SLC34A3: variants seen among roughly 807,000 people sequenced by gnomAD.
The protein encoded by SLC34A3 is sodium-dependent phosphate transport protein 2C.
SLC34A3 carries 60 observed loss-of-function variants against 43.9 expected under a neutral mutation model. That is an observed-to-expected ratio of 1.37 (90% CI 1.11 to 1.70). The LOEUF (loss-of-function observed/expected upper bound fraction) is 1.70. Ranked by LOEUF, SLC34A3 falls within the 40% of genes most tolerant of loss-of-function variation. SLC34A3 has a pLI of 0.00. For missense variants in SLC34A3, 969 were observed against 823.8 expected (o/e 1.18, Z -2.16); for synonymous variants, 451 against 386.2 (o/e 1.17, Z -1.97).
intron 8 of SLC34A3, 60 bp downstream of exon 8, chr9:137,233,782 C>A: frequency 5.6e-6 from 4 of 719,342 alleles, no homozygotes; most frequent in South Asian, 1.4e-5. Flanking sequence ...TGAGTCATCC[C>A]GCCCCACCCA....
In SLC34A3 at chr9:137,234,239, C is replaced by A. The variant is rs767044684; in HGVS notation, c.1056C>A (p.Gly352=). ...AGCTGCTCAACTCTGTGCTGCGCGG[C>A]CGCGTGGCCCAGGTCGTGAGGACAG... ...IVKLLNSVLR[G]RVAQVVRTVI... The change falls in exon 10 of 13, where the codon GGC becomes GGA. Residue 352 remains glycine (G), a synonymous_variant. Coordinates refer to ENST00000673835, the MANE Select transcript of SLC34A3 (RefSeq NM_001177316.2). This position sits in a 1 kb window ranked among gnomAD's most constrained non-coding sequence, Gnocchi z 6.9. 79 of 1,610,306 alleles carry A rather than the reference C, an allele frequency of 4.9e-5. No individual in the cohort carries two copies. Among genetic ancestry groups the A allele is most frequent in the Non-Finnish European group, 6.6e-5 (78 of 1,179,300 alleles).
chr9:137,232,633 G>C lies in SLC34A3; in HGVS notation c.234G>C (p.Gly78=), dbSNP rs780602942. 6.2e-7 allele frequency: 1 copy of C among 1,612,678 alleles called. No homozygotes were observed. The highest frequency in any genetic ancestry group is 8.5e-7 in the Non-Finnish European group (1 of 1,179,882). The change falls in exon 4 of 13, where the codon GGG becomes GGC. Residue 78 remains glycine (G), a synonymous_variant. Coordinates refer to ENST00000673835, the MANE Select transcript of SLC34A3 (RefSeq NM_001177316.2). ...RVAGSVLKAC[G]LLGSLYFFIC... is the part of the protein sequence containing the mutation. The stretch of plus-strand genomic sequence containing the variant: ...CCGGCAGCGTCCTCAAGGCCTGCGG[G>C]CTCCTCGGCAGCCTGTACTTCTTCA...
Position 137,233,054 on chromosome 9 carries a change from A to T in SLC34A3, c.499A>T (p.Thr167Ser). 6.2e-7 allele frequency: 1 copy of T among 1,611,846 alleles called. No individual in the cohort carries two copies. Among genetic ancestry groups the T allele is most frequent in the Middle Eastern group, 1.9e-4 (1 of 5,314 alleles). Residue 167 changes from threonine to serine, a missense_variant, in exon 6 of 13, where the codon ACA (threonine) becomes TCA (serine). Coordinates refer to ENST00000673835, the MANE Select transcript of SLC34A3 (RefSeq NM_001177316.2). ...VPIIMGVNVGTSITSTLVSMA... is the reference protein window; with the variant it reads ...VPIIMGVNVGSSITSTLVSMA... ...CATCATCATGGGTGTCAACGTAGGCACATCCATCACCAGCACCCTGGTCTC... is the reference window on the plus strand; with the variant it reads ...CATCATCATGGGTGTCAACGTAGGCTCATCCATCACCAGCACCCTGGTCTC...
chr9:137,236,219 C>T lies in SLC34A3; in HGVS notation c.1603C>T (p.Gln535Ter), dbSNP rs1408983966. 4.4e-6 allele frequency: 7 copies of T among 1,574,134 alleles called. No individual in the cohort carries two copies. The highest frequency in any genetic ancestry group is 1.1e-5 in the South Asian group (1 of 87,756). Residue 535 changes from glutamine to a stop codon, truncating the protein, a stop_gained, in exon 13 of 13, where the codon CAG becomes TAG. Coordinates refer to ENST00000673835, the MANE Select transcript of SLC34A3 (RefSeq NM_001177316.2). LOFTEE classifies it low-confidence loss of function (END_TRUNC). Reference protein sequence around the residue: ...VLLVILVTVLQRRRPAWLPVR... With the variant: ...VLLVILVTVL Reference sequence around the variant, plus strand: ...CCTCGTCATCCTGGTTACTGTCCTGCAGCGGCGCCGGCCGGCCTGGCTGCC... The same window carrying T: ...CCTCGTCATCCTGGTTACTGTCCTGTAGCGGCGCCGGCCGGCCTGGCTGCC...
intron 3 of SLC34A3, 121 bp downstream of exon 3, chr9:137,232,282 G>T (rs866311105): frequency 1.0e-6 from 1 of 1,003,366 alleles, no homozygotes; most frequent in East Asian, 2.4e-5. Context: ...CGCCATGCAG[G>T]CCCCCTCTGG....
rs980596367 is a variant in SLC34A3 at position 137,236,473 on chromosome 9, C to T, written c.*57C>T. ...CCCCGGCTGGGAGGGCTCTGGAGGG[C>T]CCTGGAGGGGGGGTCCCCGCGGCAG... is the stretch of plus-strand genomic sequence containing the variant. On this transcript the variant is annotated 3_prime_UTR_variant, in exon 13 of 13. Coordinates refer to ENST00000673835, the MANE Select transcript of SLC34A3 (RefSeq NM_001177316.2). The T allele has an allele frequency of 5.9e-5, 86 of 1,451,300 alleles. No homozygotes were observed. The highest frequency in any genetic ancestry group is 9.8e-5 in the Admixed American group (5 of 50,808). The allele number at this position is 1,451,300 out of a possible 1,614,324, so 89.9% of individuals were successfully genotyped here. A position where few individuals can be genotyped will look rare whatever the true frequency, so the allele number is the denominator to read the frequency against.
chr9:137,233,984 C>T (rs747754272), intron 9 of SLC34A3, 43 bp downstream of exon 9: 1 of 1,480,676 alleles, frequency 6.8e-7, no homozygotes, highest in South Asian at 1.3e-5. Flanking sequence ...CCCCCACACT[C>T]CCCCTCACCG....
intron 8 of SLC34A3, 59 bp downstream of exon 8, chr9:137,233,781 C>CCCCCCCCCCCCCCCCCCCCCCCA: frequency 1.4e-6 from 1 of 690,490 alleles, no homozygotes; most frequent in African/African-American, 1.9e-5. Context: ...CTGAGTCATC[C>CCCCCCCCCCCCCCCCCCCCCCCA]CGCCCCACCC....
At position 137,231,788 on chromosome 9, in the gene SLC34A3, G is replaced by T; in HGVS notation, c.85+1G>T. 1 of 1,612,832 alleles carries T rather than the reference G, an allele frequency of 6.2e-7. No individual in the cohort carries two copies. Among genetic ancestry groups the T allele is most frequent in the Non-Finnish European group, 8.5e-7 (1 of 1,179,658 alleles). On this transcript the variant is annotated splice_donor_variant, in intron 2 of 12. Coordinates refer to ENST00000673835, the MANE Select transcript of SLC34A3 (RefSeq NM_001177316.2). LOFTEE classifies it high-confidence loss of function. ...GTGGAAAAGACTCTGAGGAATGAAGGTACCAGTGGCCCCTGTGCCCCAGGC... is the reference window on the plus strand; with the variant it reads ...GTGGAAAAGACTCTGAGGAATGAAGTTACCAGTGGCCCCTGTGCCCCAGGC...
At chr9:137,233,779 T>TGGGGCCCCCCCCCCCCCCCCCC in intron 8 of SLC34A3, 57 bp downstream of exon 8, 1 of 1,445,812 alleles carries the variant, frequency 6.9e-7, no homozygotes, top group Admixed American at 1.8e-5. Context: ...TGCTGAGTCA[T>TGGGGCCCCCCCCCCCCCCCCCC]CCCGCCCCAC....
intron 3 of SLC34A3, 111 bp downstream of exon 3, chr9:137,232,272 C>T (rs1564415730): frequency 1.9e-5 from 21 of 1,081,200 alleles, no homozygotes; most frequent in South Asian, 1.8e-4. Flanking sequence ...TGGGGAACTC[C>T]GCCATGCAGG....
Position 137,234,879 on chromosome 9 carries a change from C to G in SLC34A3, c.1335+148C>G. The G allele has an allele frequency of 4.1e-6, 5 of 1,230,736 alleles. No individual in the cohort carries two copies. Among genetic ancestry groups the G allele is most frequent in the Non-Finnish European group, 5.8e-6 (5 of 868,468 alleles). The allele number at this position is 1,230,736 out of a possible 1,614,324, so 76.2% of individuals were successfully genotyped here. On this transcript the variant is annotated intron_variant, in intron 12 of 12. Transcript: ENST00000673835. This position sits in a 1 kb window ranked among gnomAD's most constrained non-coding sequence, Gnocchi z 6.9. ...CTGGCCGCCAGCCTCAGCCCTGCTG[C>G]TCTGCCTCCTTGGACCCCACAGGTC... is the stretch of plus-strand genomic sequence containing the variant.
Position 137,236,432 on chromosome 9 carries a change from C to T in SLC34A3, c.*16C>T, listed in dbSNP as rs765361756. 1.3e-6 allele frequency: 2 copies of T among 1,531,698 alleles called. No homozygotes were observed. Among genetic ancestry groups the T allele is most frequent in the African/African-American group, 2.7e-5 (2 of 72,874 alleles). The allele number at this position is 1,531,698 out of a possible 1,614,324, so 94.9% of individuals were successfully genotyped here. On this transcript the variant is annotated 3_prime_UTR_variant, in exon 13 of 13. Transcript: ENST00000673835. ...GCAGTTGTGACGGGCAGTTGCTGAG[C>T]AGACCGCCCCACCCTCCCCGGCTGG...
intron 3 of SLC34A3, 25 bp from the exon 4 acceptor site, chr9:137,232,549 AG>A: frequency 6.2e-7 from 1 of 1,610,870 alleles, no homozygotes; most frequent in Non-Finnish European, 8.5e-7. Context: ...AGGGCCAGCC[AG>A]GGACAGCCTG....
chr9:137,236,167 C>A lies in SLC34A3; in HGVS notation c.1551C>A (p.Val517=). The A allele has an allele frequency of 6.2e-7, 1 of 1,607,508 alleles. No individual in the cohort carries two copies. Among genetic ancestry groups the A allele is most frequent in the Non-Finnish European group, 8.5e-7 (1 of 1,178,260 alleles). Reference sequence around the variant, plus strand: ...CAGGGGGCATGGAGCTGGCCGCTGTCGGGGGTCCCCTGGTGGGGCTGGTGC... The same window carrying A: ...CAGGGGGCATGGAGCTGGCCGCTGTAGGGGGTCCCCTGGTGGGGCTGGTGC... ...SLAGGMELAA[V]GGPLVGLVLL... Residue 517 remains valine, a synonymous_variant, in exon 13 of 13, where the codon GTC becomes GTA. Coordinates refer to ENST00000673835, the MANE Select transcript of SLC34A3 (RefSeq NM_001177316.2).
rs1836231484 is a variant in SLC34A3 at position 137,231,777 on chromosome 9, G to A, written c.75G>A (p.Leu25=). The change falls in exon 2 of 13, where the codon CTG becomes CTA. Residue 25 remains leucine (L), a synonymous_variant. Coordinates refer to ENST00000673835, the MANE Select transcript of SLC34A3 (RefSeq NM_001177316.2). ...CGGTTGACCTAGTGGAAAAGACTCTGAGGAATGAAGGTACCAGTGGCCCCT... is the reference window on the plus strand; with the variant it reads ...CGGTTGACCTAGTGGAAAAGACTCTAAGGAATGAAGGTACCAGTGGCCCCT... The part of the protein sequence containing the change: ...LDAVDLVEKT[L]RNEGTSSSAP... 1 of 1,613,196 alleles carries A rather than the reference G, an allele frequency of 6.2e-7. No individual in the cohort carries two copies. The highest frequency in any genetic ancestry group is 1.6e-4 in the Middle Eastern group (1 of 6,062).
At chr9:137,231,836 C>A in intron 2 of SLC34A3, 49 bp downstream of exon 2, 1 of 1,483,732 alleles carries the variant, frequency 6.7e-7, no homozygotes, top group Non-Finnish European at 9.4e-7. Context: ...GACCACCCAC[C>A]CCCCAGGCAC....
Position 137,231,437 on chromosome 9 carries a change from G to A in SLC34A3, c.-39-227G>A, listed in dbSNP as rs539097338. ...AGCCGGGGAGCTGGAGCCCCTTCGA[G>A]TCTACCCCTGAAACTGGACTGGGCT... On this transcript the variant is annotated intron_variant, in intron 1 of 12. Coordinates refer to ENST00000673835, the MANE Select transcript of SLC34A3 (RefSeq NM_001177316.2). 2.0e-4 allele frequency among the ~76,000 whole-genome samples: 30 copies of A among 152,022 alleles called. 1 individual carries two copies. Among genetic ancestry groups the A allele is most frequent in the Admixed American group, 6.5e-5 (1 of 15,282 alleles).
chr9:137,234,071 C>T lies in SLC34A3; in HGVS notation c.926-38C>T, dbSNP rs1248081645. 3.3e-6 allele frequency: 5 copies of T among 1,497,040 alleles called. No individual in the cohort carries two copies. The highest frequency in any genetic ancestry group is 3.6e-6 in the Non-Finnish European group (4 of 1,113,788). The allele number at this position is 1,497,040 out of a possible 1,614,324, so 92.7% of individuals were successfully genotyped here. ...AGGCCCGGCCCACCCCGGCCCACCC[C>T]CCAGGCTCCCCCTCACCTGCCCCTG... On this transcript the variant is annotated intron_variant, in intron 9 of 12. Coordinates refer to ENST00000673835, the MANE Select transcript of SLC34A3 (RefSeq NM_001177316.2). This position sits in a 1 kb window ranked among gnomAD's most constrained non-coding sequence, Gnocchi z 6.9.
Sources: gnomAD v4.1 joint callset for allele counts (sites outside exome capture counted in the v4.1 genomes callset) on GRCh38, gnomAD v4.1.1 for gene constraint, Gnocchi (gnomAD v3.1) non-coding constraint, MANE v1.5 for transcripts, NCBI Gene and HGNC (gene_info 2026-07-23, HGNC 2026-07-21) for gene names.